Variants in SHISAL1 observed in about 807,000 individuals in gnomAD.
The protein encoded by SHISAL1 is protein shisa-like-1.
SHISAL1 carries 9 observed loss-of-function variants against 22.6 expected under a neutral mutation model. The observed-to-expected ratio is 0.40, with a 90% confidence interval of 0.24 to 0.70. SHISAL1 has a LOEUF of 0.70. SHISAL1 is among the 30% of genes least tolerant of loss of function. The probability of loss-of-function intolerance (pLI) is 0.39; values close to 1 mark genes in which losing one functional copy is unlikely to be tolerated. For missense variants in SHISAL1, 246 were observed against 270.6 expected, an observed-to-expected ratio of 0.91 and a Z score of 0.64; for synonymous variants, 119 against 115.4, an observed-to-expected ratio of 1.03 and a Z score of -0.20.
At chr22:44,273,459 ATC>A (rs1273521137) in intron 4 of SHISAL1, among the ~76,000 whole-genome samples, 1 of 152,230 alleles carries the variant, frequency 6.6e-6, no homozygotes, top group Admixed American at 6.5e-5. Flanking sequence ...AGGATGTATT[ATC>A]TCTGTGTTTA....
chr22:44,309,127 C>T (rs1482475460), intron 1 of SHISAL1, among the ~76,000 whole-genome samples: 2 of 152,228 alleles, frequency 1.3e-5, no homozygotes, highest in Non-Finnish European at 2.9e-5. Flanking sequence ...ACCAGCCCTC[C>T]TGACCCCACT....
rs62226816 is a variant in SHISAL1, at chr22:44,285,437, G to A, written c.590C>T (p.Ser197Leu). 0.019 allele frequency: 29,984 copies of A among 1,613,906 alleles called. 310 individuals carry two copies. The highest frequency in any genetic ancestry group is 0.022 in the South Asian group (2,006 of 91,046). ...HSPPLMTFQS[S>L]SA Reference sequence around the variant, plus strand: ...AATTGTAGCCACTCACCAGGCAGACGAACTCTGGAAGGTCATCAGCGGTGG... The same window carrying A: ...AATTGTAGCCACTCACCAGGCAGACAAACTCTGGAAGGTCATCAGCGGTGG... Residue 197 changes from serine (S) to leucine (L), a missense_variant, in exon 4 of 5, where the codon TCG (serine) becomes TTG (leucine). Around this residue, in one of 2 missense-constraint regions of SHISAL1, gnomAD observed 136 missense variants for 117.5 expected, o/e 1.16. Transcript: ENST00000381176.
rs76464693 is a variant in SHISAL1 at position 44,246,081 on chromosome 22, A to T, written c.*3604T>A. The T allele has an allele frequency of 2.6e-5, 4 of 152,272 alleles. No individual in the cohort carries two copies. The East Asian group carries it at 7.7e-4, about 29-fold the overall frequency. The allele number at this position is 152,272 out of a possible 1,614,324, so 9.4% of individuals were successfully genotyped here. A position where few individuals can be genotyped will look rare whatever the true frequency, so the allele number is the denominator to read the frequency against. On this transcript the variant is annotated 3_prime_UTR_variant, in exon 5 of 5. Coordinates refer to ENST00000381176, the MANE Select transcript of SHISAL1 (RefSeq NM_001099294.2). ...GTCAGGTGGCTGGCCTGGCCGCTGG[A>T]GCAGCCAGGTGAGGCGGGTGAGAAG... is the stretch of plus-strand genomic sequence containing the variant.
In SHISAL1 at chr22:44,285,611, C is replaced by G; in HGVS notation, c.416G>C (p.Gly139Ala). The G allele has an allele frequency of 6.2e-7, 1 of 1,614,168 alleles. No individual in the cohort carries two copies. The highest frequency in any genetic ancestry group is 8.5e-7 in the Non-Finnish European group (1 of 1,179,990). The change falls in exon 4 of 5, where the codon GGA (glycine) becomes GCA (alanine). Residue 139 changes from glycine (G) to alanine (A), a missense_variant. Coordinates refer to ENST00000381176, the MANE Select transcript of SHISAL1 (RefSeq NM_001099294.2). ...KVYLARWGIQ[G>A]RWMKQDPRRW... ...CCGGGGGTCCTGTTTCATCCATCGT[C>G]CTTGGATGCCCCACCGTGCCAGGTA...
At chr22:44,294,967 G>A (rs1426665144) in intron 3 of SHISAL1, among the ~76,000 whole-genome samples, 1 of 152,160 alleles carries the variant, frequency 6.6e-6, no homozygotes, top group African/African-American at 2.4e-5. Flanking sequence ...ACATTTGTAT[G>A]GAAATGTTTG....
intron 2 of SHISAL1, among the ~76,000 whole-genome samples, chr22:44,297,790 C>T (rs1049350960): frequency 6.6e-6 from 1 of 152,268 alleles, no homozygotes. Flanking sequence ...TAAAAGAGAT[C>T]GCTGTATCTA....
intron 4 of SHISAL1, among the ~76,000 whole-genome samples, chr22:44,268,682 G>A (rs186712834): frequency 1.3e-5 from 2 of 152,330 alleles, no homozygotes; most frequent in African/African-American, 4.8e-5. Flanking sequence ...AGGATGGGGA[G>A]AGGCCTCGGG....
intron 4 of SHISAL1, 30 bp downstream of exon 4, chr22:44,285,398 T>C (rs1206438497): frequency 6.2e-7 from 1 of 1,602,816 alleles, no homozygotes; most frequent in South Asian, 1.1e-5. Flanking sequence ...ATGACCCAAA[T>C]CATTCTGGGT....
At chr22:44,326,751 G>A in the SHISAL1 span, among the ~76,000 whole-genome samples, 2 of 152,088 alleles carry the variant, frequency 1.3e-5, no homozygotes, top group Non-Finnish European at 2.9e-5. Context: ...CGATGTAAAC[G>A]CCCTGTTCAG....
intron 4 of SHISAL1, among the ~76,000 whole-genome samples, chr22:44,270,899 G>A (rs140140952): frequency 3.2e-4 from 49 of 152,300 alleles, no homozygotes; most frequent in African/African-American, 1.1e-3. Context: ...ACAGAACCAC[G>A]TAGCACAGTA....
chr22:44,255,544 A>G (rs1569207372), intron 4 of SHISAL1, among the ~76,000 whole-genome samples: 1 of 152,068 alleles, frequency 6.6e-6, no homozygotes, highest in Non-Finnish European at 1.5e-5. Context: ...CAGAATCTCA[A>G]TAAGCCTTAC....
At chr22:44,295,227 T>C (rs1416827804) in intron 3 of SHISAL1, among the ~76,000 whole-genome samples, 1 of 151,822 alleles carries the variant, frequency 6.6e-6, no homozygotes, top group East Asian at 1.9e-4. Context: ...TCTACCTCAA[T>C]ACTCAGATTT....
chr22:44,304,405 G>T (rs1388067412), intron 1 of SHISAL1, among the ~76,000 whole-genome samples: 2 of 152,252 alleles, frequency 1.3e-5, no homozygotes, highest in Admixed American at 1.3e-4. Context: ...GAGCTGGGAC[G>T]TCAGGTGCTG....
At chr22:44,298,786 C>T (rs930169684) in intron 2 of SHISAL1, among the ~76,000 whole-genome samples, 5 of 152,118 alleles carry the variant, frequency 3.3e-5, no homozygotes, top group Admixed American at 6.5e-5. Context: ...AGGGCAGGCC[C>T]GGCGAGGTTG....
chr22:44,316,893 TAG>T (rs2055561437), upstream of SHISAL1, among the ~76,000 whole-genome samples: 1 of 152,178 alleles, frequency 6.6e-6, no homozygotes, highest in African/African-American at 2.4e-5. Context: ...GGTTGCTGCC[TAG>T]AGAGTTATAA....
chr22:44,268,468 G>C (rs1381656833), intron 4 of SHISAL1, among the ~76,000 whole-genome samples: 2 of 152,186 alleles, frequency 1.3e-5, no homozygotes, highest in South Asian at 2.1e-4. Flanking sequence ...TTTTACACAA[G>C]GGGAAAGTGA....
At chr22:44,269,550 TACA>T (rs879940618) in intron 4 of SHISAL1, among the ~76,000 whole-genome samples, 28 of 131,746 alleles carry the variant, frequency 2.1e-4, no homozygotes, top group African/African-American at 7.7e-4. Context: ...ATGCCACAGA[TACA>T]ACACTACACA....
At chr22:44,301,850 T>G (rs1440472518) in intron 1 of SHISAL1, among the ~76,000 whole-genome samples, 4 of 151,176 alleles carry the variant, frequency 2.6e-5, no homozygotes, top group Non-Finnish European at 5.9e-5. Context: ...CCTAGAGGAG[T>G]CCCATTCACA....
intron 4 of SHISAL1, among the ~76,000 whole-genome samples, chr22:44,250,661 G>T (rs2055040975): frequency 6.6e-6 from 1 of 152,196 alleles, no homozygotes; most frequent in Admixed American, 6.5e-5. Flanking sequence ...TTGGGAAGGG[G>T]ACATGAATCC....
Sources: allele counts gnomAD v4.1 joint callset (sites outside exome capture counted in the v4.1 genomes callset), GRCh38; gene constraint gnomAD v4.1.1; regional missense constraint gnomAD v4.1.1; transcripts MANE v1.5; gene names NCBI Gene and HGNC (gene_info 2026-07-23, HGNC 2026-07-21).